ACER3: variants seen among roughly 807,000 people sequenced by gnomAD.
The protein encoded by ACER3 is alkaline ceramidase 3.
In ACER3, 16 loss-of-function variants were observed where a neutral mutation model predicts 48.9. The observed-to-expected ratio is 0.33, with a 90% CI of 0.22 to 0.50. ACER3 has a LOEUF of 0.50. Among genes scored for constraint, ACER3 ranks in the 20% least tolerant of loss-of-function variants. The pLI is 0.98. For missense variants in ACER3, 227 were observed against 326.0 expected (o/e 0.70, Z 2.34); for synonymous variants, 109 against 107.8 (o/e 1.01, Z -0.07).
intron 2 of ACER3, among the ~76,000 whole-genome samples, chr11:76,938,330 T>C (rs1426399987): frequency 1.3e-5 from 2 of 152,010 alleles, no homozygotes; most frequent in African/African-American, 2.4e-5. Flanking sequence ...ATGAAAAACT[T>C]TTTTTTGAGA....
intron 4 of ACER3, among the ~76,000 whole-genome samples, chr11:76,979,572 G>A (rs1173441180): frequency 6.6e-6 from 1 of 152,132 alleles, no homozygotes; most frequent in East Asian, 1.9e-4. Flanking sequence ...AGAATCGCTT[G>A]AACCCAGGAG....
intron 1 of ACER3, among the ~76,000 whole-genome samples, chr11:76,865,138 A>ATTTTTT (rs35627838): frequency 1.6e-5 from 2 of 128,330 alleles, no homozygotes; most frequent in African/African-American, 5.8e-5. Context: ...TGCCCAGCTA[A>ATTTTTT]TTTTTTTTTT....
In ACER3 at chr11:76,958,796, C is replaced by A. The variant is rs895973230; in HGVS notation, c.215-183C>A. 12 of 619,002 alleles carry A rather than the reference C, an allele frequency of 1.9e-5. No homozygotes were observed. The East Asian group carries it at 2.3e-4, about 12-fold the overall frequency. The allele number at this position is 619,002 out of a possible 1,614,324, so 38.3% of individuals were successfully genotyped here. On this transcript the variant is annotated intron_variant, in intron 2 of 10. Transcript: ENST00000532485. ...ATTTAGGAGAACTTATATTGTACTT[C>A]TTTTCTACACCAAAATTTCACCAAT...
intron 2 of ACER3, among the ~76,000 whole-genome samples, chr11:76,947,101 T>C (rs1335676558): frequency 1.3e-5 from 2 of 152,230 alleles, no homozygotes; most frequent in Non-Finnish European, 2.9e-5. Context: ...CTAGACAATC[T>C]GTTTGAAAGG....
intron 2 of ACER3, among the ~76,000 whole-genome samples, chr11:76,934,548 C>T (rs1289376212): frequency 1.6e-4 from 24 of 152,240 alleles, no homozygotes; most frequent in Non-Finnish European, 3.1e-4. Context: ...ACCAGTCAGG[C>T]GTGGCGTGCG....
At chr11:76,905,867 G>A (rs1307379087) in intron 1 of ACER3, among the ~76,000 whole-genome samples, 1 of 152,230 alleles carries the variant, frequency 6.6e-6, no homozygotes, top group African/African-American at 2.4e-5. Context: ...GCAAAACTAT[G>A]TGGATATACA....
intron 2 of ACER3, among the ~76,000 whole-genome samples, chr11:76,945,820 G>A (rs1311854964): frequency 6.6e-6 from 1 of 152,200 alleles, no homozygotes; most frequent in East Asian, 1.9e-4. Context: ...TGGGAGCCAC[G>A]TGGTCTTTGC....
At chr11:76,930,432 A>AT (rs1220439341) in intron 2 of ACER3, among the ~76,000 whole-genome samples, 2 of 151,924 alleles carry the variant, frequency 1.3e-5, no homozygotes, top group Admixed American at 6.6e-5. Flanking sequence ...GGATTCTTTG[A>AT]TTTTTTGAAG....
intron 2 of ACER3, among the ~76,000 whole-genome samples, chr11:76,938,773 C>T (rs1445515026): frequency 6.6e-6 from 1 of 152,036 alleles, no homozygotes; most frequent in Non-Finnish European, 1.5e-5. Flanking sequence ...TTCAAATGCT[C>T]TATTGTCTGA....
intron 7 of ACER3, chr11:77,011,278 C>G: frequency 1.0e-6 from 1 of 964,510 alleles, no homozygotes; most frequent in Non-Finnish European, 1.2e-6. Context: ...TCTTGCTCTC[C>G]CCTTCCCGCC....
chr11:77,022,269 C>T lies in ACER3; in HGVS notation c.*1942C>T, dbSNP rs17135325. The T allele has an allele frequency of 2.0e-5, 3 of 152,062 alleles. No individual in the cohort carries two copies. The highest frequency in any genetic ancestry group is 7.2e-5 in the African/African-American group (3 of 41,422). 9.4% of individuals were successfully genotyped at this position (152,062 alleles called of 1,614,324 possible). ...AGTCAGATTAAGGGTACAGAAAGCA[C>T]ACCTTGATACTGAGGCCATTTAGAG... On this transcript the variant is annotated 3_prime_UTR_variant, in exon 11 of 11. Transcript: ENST00000532485.
chr11:76,915,497 G>A (rs1283742883), intron 1 of ACER3, among the ~76,000 whole-genome samples: 4 of 151,808 alleles, frequency 2.6e-5, no homozygotes, highest in South Asian at 2.1e-4. Flanking sequence ...TGGACCATCC[G>A]GAAACAACCT....
intron 4 of ACER3, among the ~76,000 whole-genome samples, chr11:76,979,649 T>TC (rs370905424): frequency 2.3e-4 from 35 of 151,310 alleles, no homozygotes; most frequent in Admixed American, 2.1e-3. Context: ...TGAGACCCTG[T>TC]CCCCCCCAGA....
chr11:76,975,346 C>T (rs1181522429), intron 3 of ACER3, among the ~76,000 whole-genome samples: 1 of 152,036 alleles, frequency 6.6e-6, no homozygotes, highest in Non-Finnish European at 1.5e-5. Context: ...AATAAATAAA[C>T]TCTAAGATTG....
chr11:76,926,611 A>G lies in ACER3; in HGVS notation c.158A>G (p.Gln53Arg), dbSNP rs1332874842. 6.2e-7 allele frequency: 1 copy of G among 1,608,840 alleles called. No individual in the cohort carries two copies. Among genetic ancestry groups the G allele is most frequent in the Non-Finnish European group, 8.5e-7 (1 of 1,175,364 alleles). ...MIIPPMFGAV[Q>R]SVRDGLEKRY... Reference sequence around the variant, plus strand: ...ATACCTCCAATGTTCGGTGCAGTTCAGAGTGTTAGAGACGGTCTGGAAAAG... The same window carrying G: ...ATACCTCCAATGTTCGGTGCAGTTCGGAGTGTTAGAGACGGTCTGGAAAAG... The change falls in exon 2 of 11, where the codon CAG becomes CGG. Residue 53 changes from glutamine to arginine, a missense_variant. Gln to Arg is a conservative substitution (Grantham distance 43). This residue lies in a region of ACER3 where 195 missense variants were observed against 290.8 expected (regional missense o/e 0.67). Coordinates refer to ENST00000532485, the MANE Select transcript of ACER3 (RefSeq NM_018367.7).
chr11:76,991,041 C>T (rs1948791132), intron 6 of ACER3, among the ~76,000 whole-genome samples: 1 of 152,156 alleles, frequency 6.6e-6, no homozygotes, highest in Non-Finnish European at 1.5e-5. Flanking sequence ...TGCATGCCAT[C>T]ATGACACCAG....
chr11:76,934,095 C>T (rs1026174804), intron 2 of ACER3, among the ~76,000 whole-genome samples: 1 of 151,504 alleles, frequency 6.6e-6, no homozygotes, highest in Admixed American at 6.6e-5. Flanking sequence ...GGGATGGCGG[C>T]CAGGAAGAGG....
At chr11:76,868,223 T>G in intron 1 of ACER3, 1 of 1,289,762 alleles carries the variant, frequency 7.8e-7, no homozygotes, top group South Asian at 1.2e-5. Context: ...GTGACATCCC[T>G]GTCATATGAA....
intron 9 of ACER3, among the ~76,000 whole-genome samples, chr11:77,017,351 A>G (rs911788602): frequency 2.0e-5 from 3 of 152,154 alleles, no homozygotes; most frequent in African/African-American, 7.2e-5. Flanking sequence ...TTATATGCCA[A>G]CCAATTGGAT....
Sources: gnomAD v4.1 joint callset for allele counts (sites outside exome capture counted in the v4.1 genomes callset) on GRCh38, gnomAD v4.1.1 for gene constraint, gnomAD v4.1.1 regional missense constraint, MANE v1.5 for transcripts, NCBI Gene and HGNC (gene_info 2026-07-23, HGNC 2026-07-21) for gene names.